LIMCH1: variants seen among roughly 807,000 people sequenced by gnomAD.
LIMCH1 encodes the protein LIM and calponin homology domains 1.
LIMCH1 carries 113 observed loss-of-function variants against 176.5 expected under a neutral mutation model. The ratio of observed to expected loss-of-function variants is 0.64; its 90% CI spans 0.55 to 0.75. LIMCH1 has a LOEUF of 0.75. Ranked by LOEUF, LIMCH1 falls within the 30% of genes least tolerant of loss-of-function variation. LIMCH1 has a pLI of 0.00. For synonymous variants in LIMCH1, 619 were observed against 645.9 expected, an observed-to-expected ratio of 0.96 and a Z score of 0.63; for missense variants, 1,674 against 1,814.9, an observed-to-expected ratio of 0.92 and a Z score of 1.41.
intron 1 of LIMCH1, among the ~76,000 whole-genome samples, chr4:41,555,103 C>G (rs2081055304): frequency 6.6e-6 from 1 of 151,974 alleles, no homozygotes; most frequent in African/African-American, 2.4e-5. Flanking sequence ...GTTGACACAT[C>G]TGCTCGAACA....
At chr4:41,629,783 A>T (rs1310029322) in intron 9 of LIMCH1, 49 bp downstream of exon 9, 1 of 1,484,146 alleles carries the variant, frequency 6.7e-7, no homozygotes, top group Non-Finnish European at 8.9e-7. Flanking sequence ...ATGGTATTTC[A>T]TTTTGAAGGC....
At chr4:41,535,162 C>CAAAAAAAAAAAAA (rs61639965), upstream of LIMCH1, among the ~76,000 whole-genome samples, 29 of 83,970 alleles carry the variant, frequency 3.5e-4, no homozygotes, top group Non-Finnish European at 5.7e-4. Flanking sequence ...GACCCTGTCA[C>CAAAAAAAAAAAAA]AAAAAAAAAA....
intron 1 of LIMCH1, among the ~76,000 whole-genome samples, chr4:41,579,725 T>A (rs1427483327): frequency 6.6e-6 from 1 of 152,232 alleles, no homozygotes; most frequent in Non-Finnish European, 1.5e-5. Flanking sequence ...CTCAGTGTTT[T>A]AAGGAATTTA....
Position 41,661,428 on chromosome 4 carries a change from T to A in LIMCH1, c.3045T>A (p.Thr1015=), listed in dbSNP as rs2094614201. ...NSVPQELAAT[T]EKTEPNSQED... ...AAAAATCTCTTTTTCAGGCAACCAC[T>A]GAGAAAACGGAACCGAATAGTCAAG... Residue 1015 remains threonine, a synonymous_variant, in exon 19 of 32, where the codon ACT becomes ACA. Transcript: ENST00000503057. 1 of 1,610,134 alleles carries A rather than the reference T, an allele frequency of 6.2e-7. No individual in the cohort carries two copies. Among genetic ancestry groups the A allele is most frequent in the African/African-American group, 1.3e-5 (1 of 74,544 alleles).
intron 1 of LIMCH1, among the ~76,000 whole-genome samples, chr4:41,596,484 T>C (rs2088842167): frequency 6.6e-6 from 1 of 152,224 alleles, no homozygotes; most frequent in Non-Finnish European, 1.5e-5. Flanking sequence ...GAAAACGATT[T>C]ATTTCAAGTA....
intron 1 of LIMCH1, among the ~76,000 whole-genome samples, chr4:41,463,069 C>G (rs548301686): frequency 2.7e-5 from 3 of 110,896 alleles, no homozygotes; most frequent in African/African-American, 4.6e-5. Context: ...CAGGATCACC[C>G]GAATATTTAA....
intron 1 of LIMCH1, chr4:41,551,087 T>C (rs2152514016): frequency 6.6e-6 from 1 of 152,324 alleles, no homozygotes; most frequent in South Asian, 2.1e-4. Flanking sequence ...ATTCCAAAAA[T>C]TCAGAATGTT....
At chr4:41,415,819 TAAAA>T (rs141274574) in intron 1 of LIMCH1, among the ~76,000 whole-genome samples, 1 of 150,322 alleles carries the variant, frequency 6.7e-6, no homozygotes, top group African/African-American at 2.5e-5. Flanking sequence ...CTACTAAAAA[TAAAA>T]AAAAATAGCT....
At chr4:41,544,150 G>A (rs969650704) in intron 1 of LIMCH1, among the ~76,000 whole-genome samples, 2 of 150,772 alleles carry the variant, frequency 1.3e-5, no homozygotes, top group African/African-American at 2.4e-5. Flanking sequence ...GTTATGCTCC[G>A]GCTTGTAATG....
intron 23 of LIMCH1, among the ~76,000 whole-genome samples, chr4:41,676,735 A>G (rs1401487012): frequency 6.6e-6 from 1 of 152,198 alleles, no homozygotes; most frequent in Non-Finnish European, 1.5e-5. Context: ...CAGTCTACCC[A>G]TTCATCACCT....
chr4:41,477,482 G>A (rs767206982), intron 1 of LIMCH1, among the ~76,000 whole-genome samples: 2 of 152,164 alleles, frequency 1.3e-5, no homozygotes, highest in Non-Finnish European at 2.9e-5. Context: ...ACGAGTTGAT[G>A]AAGATTCAAT....
At chr4:41,475,495 A>G (rs1269308649) in intron 1 of LIMCH1, among the ~76,000 whole-genome samples, 4 of 152,176 alleles carry the variant, frequency 2.6e-5, no homozygotes, top group Admixed American at 2.0e-4. Context: ...TTGAGCATGA[A>G]TTCAGCTAAG....
At chr4:41,568,848 G>T (rs369865592) in intron 1 of LIMCH1, among the ~76,000 whole-genome samples, 1 of 151,976 alleles carries the variant, frequency 6.6e-6, no homozygotes, top group African/African-American at 2.4e-5. Flanking sequence ...CTCTATTCAG[G>T]TTATGTGGCC....
At chr4:41,479,466 C>A (rs2068238506) in intron 1 of LIMCH1, among the ~76,000 whole-genome samples, 1 of 152,130 alleles carries the variant, frequency 6.6e-6, no homozygotes. Context: ...GTTGCCCAGG[C>A]TCGTCGAATT....
chr4:41,454,522 G>A (rs1401598824), intron 1 of LIMCH1, among the ~76,000 whole-genome samples: 1 of 152,060 alleles, frequency 6.6e-6, no homozygotes, highest in African/African-American at 2.4e-5. Context: ...GCATATTTGA[G>A]AGTAGGTGTG....
At chr4:41,590,689 A>G (rs2087382371) in intron 1 of LIMCH1, among the ~76,000 whole-genome samples, 1 of 152,098 alleles carries the variant, frequency 6.6e-6, no homozygotes, top group Non-Finnish European at 1.5e-5. Context: ...GCAGCCACCC[A>G]GCTGCCACCT....
intron 1 of LIMCH1, among the ~76,000 whole-genome samples, chr4:41,559,620 C>A (rs746228461): frequency 3.9e-5 from 6 of 152,262 alleles, no homozygotes; most frequent in African/African-American, 1.4e-4. Context: ...ATCTTAAGCT[C>A]GTACCAGCCT....
intron 1 of LIMCH1, among the ~76,000 whole-genome samples, chr4:41,431,268 G>GGAAA (rs112785611): frequency 0.025 from 3,770 of 152,254 alleles, 160 homozygotes; most frequent in African/African-American, 0.085. Flanking sequence ...CCTGCTTGGT[G>GGAAA]GAAAGAGCAG....
At chr4:41,517,189 GGA>G (rs1409012270) in intron 2 of LIMCH1, among the ~76,000 whole-genome samples, 1 of 152,148 alleles carries the variant, frequency 6.6e-6, no homozygotes, top group Non-Finnish European at 1.5e-5. Context: ...TAAATGTGGA[GGA>G]GAGAGAATGG....
Sources: gnomAD v4.1 joint callset for allele counts (sites outside exome capture counted in the v4.1 genomes callset) on GRCh38, gnomAD v4.1.1 for gene constraint, MANE v1.5 for transcripts, NCBI Gene and HGNC (gene_info 2026-07-23, HGNC 2026-07-21) for gene names.